The following PLXNC1 variants were observed in gnomAD, a reference collection of about 807,000 sequenced individuals.
The protein encoded by PLXNC1 is plexin C1, also known as plexin-C1.
Under a neutral mutation model 178.2 loss-of-function variants are expected in PLXNC1, and 75 were observed. That is an observed-to-expected ratio of 0.42 (90% CI 0.35 to 0.51). PLXNC1 has a LOEUF of 0.51. Among genes scored for constraint, PLXNC1 ranks in the 20% least tolerant of loss-of-function variants. PLXNC1 has a pLI of 0.02. For missense variants in PLXNC1, 1,503 were observed against 1,984.4 expected (o/e 0.76, Z 4.61); for synonymous variants, 790 against 779.9 (o/e 1.01, Z -0.22).
intron 10 of PLXNC1, 86 bp from the exon 11 acceptor site, chr12:94,240,399 A>C: frequency 9.9e-7 from 1 of 1,015,146 alleles, no homozygotes; most frequent in East Asian, 2.5e-5. Context: ...TTGTAGTTCA[A>C]GTGAAATTCA....
At chr12:94,293,767 C>T (rs1967608215) in intron 23 of PLXNC1, among the ~76,000 whole-genome samples, 2 of 152,156 alleles carry the variant, frequency 1.3e-5, no homozygotes, top group African/African-American at 2.4e-5. Flanking sequence ...TACAGGTGTG[C>T]ACCAATGCGC....
intron 1 of PLXNC1, among the ~76,000 whole-genome samples, chr12:94,150,551 C>T (rs976043159): frequency 1.3e-5 from 2 of 152,346 alleles, no homozygotes; most frequent in African/African-American, 4.8e-5. Context: ...CGCCCCCCAC[C>T]GGCAACGCAA....
intron 4 of PLXNC1, among the ~76,000 whole-genome samples, chr12:94,208,747 G>A (rs892304582): frequency 6.6e-6 from 1 of 152,292 alleles, no homozygotes; most frequent in South Asian, 2.1e-4. Context: ...TGGCGATAAC[G>A]TGCTGTTGGT....
At chr12:94,192,366 A>G (rs1962759793) in intron 4 of PLXNC1, among the ~76,000 whole-genome samples, 1 of 151,866 alleles carries the variant, frequency 6.6e-6, no homozygotes, top group African/African-American at 2.4e-5. Context: ...GCTAAGTCCT[A>G]TGCTCAGTGC....
chr12:94,171,301 C>G (rs775708933), intron 2 of PLXNC1, among the ~76,000 whole-genome samples: 1 of 152,200 alleles, frequency 6.6e-6, no homozygotes, highest in African/African-American at 2.4e-5. Context: ...CATTCAGAAG[C>G]CACCTGTGTG....
chr12:94,257,303 C>T (rs1964871761), intron 17 of PLXNC1, among the ~76,000 whole-genome samples: 1 of 152,198 alleles, frequency 6.6e-6, no homozygotes, highest in Non-Finnish European at 1.5e-5. Flanking sequence ...TGTAGGTTCT[C>T]AAAGGAGGCC....
At chr12:94,185,181 G>A (rs1962465969) in intron 3 of PLXNC1, among the ~76,000 whole-genome samples, 1 of 152,200 alleles carries the variant, frequency 6.6e-6, no homozygotes, top group Admixed American at 6.5e-5. Context: ...TCCGGCTCAG[G>A]ATCACGGGCT....
intron 4 of PLXNC1, among the ~76,000 whole-genome samples, chr12:94,189,159 A>G (rs1356020956): frequency 2.6e-5 from 4 of 152,260 alleles, no homozygotes; most frequent in African/African-American, 9.6e-5. Flanking sequence ...GTAGACTCAG[A>G]AAAAGTTAGC....
chr12:94,276,445 G>A (rs1353172538), intron 21 of PLXNC1, among the ~76,000 whole-genome samples: 2 of 151,752 alleles, frequency 1.3e-5, no homozygotes. Context: ...TGGAGGGTCA[G>A]GAGGGCTCCT....
intron 20 of PLXNC1, among the ~76,000 whole-genome samples, chr12:94,264,145 C>T (rs1277329810): frequency 6.6e-6 from 1 of 152,020 alleles, no homozygotes; most frequent in Non-Finnish European, 1.5e-5. Flanking sequence ...ACGGAAGGTT[C>T]GTTATTTAGC....
chr12:94,206,514 A>C (rs568228663), intron 4 of PLXNC1, among the ~76,000 whole-genome samples: 1 of 150,610 alleles, frequency 6.6e-6, no homozygotes. Flanking sequence ...CCTTCAGGCA[A>C]TCTTTTCTTT....
rs540509255 is a variant in PLXNC1, at chr12:94,188,578, C to T, written c.1439+2105C>T. Among the ~76,000 whole-genome samples, 215 of 152,322 alleles carry T rather than the reference C, an allele frequency of 1.4e-3. 1 individual carries two copies. Among genetic ancestry groups the T allele is most frequent in the African/African-American group, 5.1e-3 (211 of 41,582 alleles). On this transcript the variant is annotated intron_variant, in intron 4 of 30. Coordinates refer to ENST00000258526, the MANE Select transcript of PLXNC1 (RefSeq NM_005761.3). Reference sequence around the variant, plus strand: ...ACCTCAGGTGATCCGCCTGCCTCAGCCTCCCAAATTGCCAGGATTACAGCC... The same window carrying T: ...ACCTCAGGTGATCCGCCTGCCTCAGTCTCCCAAATTGCCAGGATTACAGCC...
At chr12:94,295,069 T>C (rs560003022) in intron 24 of PLXNC1, among the ~76,000 whole-genome samples, 3 of 152,360 alleles carry the variant, frequency 2.0e-5, no homozygotes, top group African/African-American at 7.2e-5. Flanking sequence ...TCTGCTTCCC[T>C]GATAGCCCTG....
intron 14 of PLXNC1, 94 bp from the exon 15 acceptor site, chr12:94,251,331 CT>C: frequency 1.4e-6 from 1 of 735,694 alleles, no homozygotes. Context: ...CTCACTGCTT[CT>C]TTTTGTATTG....
chr12:94,221,460 G>T (rs938909770), intron 6 of PLXNC1, among the ~76,000 whole-genome samples: 2 of 152,102 alleles, frequency 1.3e-5, no homozygotes, highest in Non-Finnish European at 2.9e-5. Flanking sequence ...TAGGTACGGT[G>T]GGCAGACTGA....
chr12:94,193,017 C>A (rs1190150850), intron 4 of PLXNC1, among the ~76,000 whole-genome samples: 3 of 152,036 alleles, frequency 2.0e-5, no homozygotes, highest in Non-Finnish European at 2.9e-5. Flanking sequence ...AGGAAGGCTT[C>A]CTGGAGGAAG....
intron 10 of PLXNC1, 79 bp from the exon 11 acceptor site, chr12:94,240,406 T>C: frequency 9.1e-7 from 1 of 1,093,022 alleles, no homozygotes; most frequent in Non-Finnish European, 1.4e-6. Context: ...TCAAGTGAAA[T>C]TCATTTGCTG....
chr12:94,205,899 A>G (rs1394325845), intron 4 of PLXNC1, among the ~76,000 whole-genome samples: 1 of 152,268 alleles, frequency 6.6e-6, no homozygotes, highest in Non-Finnish European at 1.5e-5. Flanking sequence ...ATAGGAAGGC[A>G]TGAAGCCAGG....
At chr12:94,235,083 A>G (rs1014233406) in intron 9 of PLXNC1, among the ~76,000 whole-genome samples, 1 of 152,210 alleles carries the variant, frequency 6.6e-6, no homozygotes, top group African/African-American at 2.4e-5. Context: ...AGGTTCCACC[A>G]GCAAACAAAA....
Sources: gnomAD v4.1 joint callset for allele counts (sites outside exome capture counted in the v4.1 genomes callset) on GRCh38, gnomAD v4.1.1 for gene constraint, MANE v1.5 for transcripts, NCBI Gene and HGNC (gene_info 2026-07-23, HGNC 2026-07-21) for gene names.